ABAT: variants seen among roughly 807,000 people sequenced by gnomAD.
ABAT encodes the protein 4-aminobutyrate aminotransferase, mitochondrial.
ABAT carries 45 observed loss-of-function variants against 64.6 expected under a neutral mutation model. That is an observed-to-expected ratio of 0.70 (90% CI 0.55 to 0.89). ABAT has a LOEUF of 0.89. Among genes scored for constraint, ABAT ranks in the 40% least tolerant of loss-of-function variants. The probability of loss-of-function intolerance (pLI) is 0.00; values close to 1 mark genes in which losing one functional copy is unlikely to be tolerated. For missense variants in ABAT, 633 were observed against 658.4 expected, an observed-to-expected ratio of 0.96 and a Z score of 0.42; for synonymous variants, 297 against 250.5, an observed-to-expected ratio of 1.19 and a Z score of -1.75.
chr16:8,689,848 C>T (rs1427363031), intron 1 of ABAT, among the ~76,000 whole-genome samples: 1 of 152,174 alleles, frequency 6.6e-6, no homozygotes, highest in Admixed American at 6.6e-5. Flanking sequence ...CGTGGCCAAA[C>T]CCAGAGTCAG....
intron 6 of ABAT, 104 bp downstream of exon 6, chr16:8,757,910 C>CATTT (rs1168246078): frequency 7.8e-7 from 1 of 1,287,688 alleles, no homozygotes; most frequent in Non-Finnish European, 1.1e-6. Flanking sequence ...TTCATTCATT[C>CATTT]CATAAATATG....
intron 4 of ABAT, among the ~76,000 whole-genome samples, chr16:8,749,680 G>A (rs745883349): frequency 5.3e-5 from 8 of 152,042 alleles, no homozygotes; most frequent in Middle Eastern, 3.4e-3. Flanking sequence ...ACAGGCGTGA[G>A]CCACTGCACC....
At chr16:8,757,544 G>T (rs1349122744) in intron 5 of ABAT, among the ~76,000 whole-genome samples, 1 of 152,198 alleles carries the variant, frequency 6.6e-6, no homozygotes, top group Admixed American at 6.5e-5. Flanking sequence ...TAGAGAATTT[G>T]TTGGATTTCT....
At chr16:8,682,611 C>A (rs1030066836) in intron 1 of ABAT, among the ~76,000 whole-genome samples, 1 of 98,530 alleles carries the variant, frequency 1.0e-5, no homozygotes. Flanking sequence ...GCCCCCGACC[C>A]CTGCCAACCT....
At chr16:8,701,901 G>T (rs1462922626) in intron 1 of ABAT, among the ~76,000 whole-genome samples, 1 of 151,872 alleles carries the variant, frequency 6.6e-6, no homozygotes, top group Non-Finnish European at 1.5e-5. Context: ...GGAACCACGA[G>T]GGGGCCAGTG....
rs147208350 is a variant in ABAT, at chr16:8,725,303, A to G, written c.-41-10396A>G. On this transcript the variant is annotated intron_variant, in intron 1 of 15. Transcript: ENST00000268251. ...AGAACATCCACAATGCTGTGCAGCC[A>G]CCACCGCTATCTAATTCCAGATTTT... Among the ~76,000 whole-genome samples, 674 of 152,300 alleles carry G rather than the reference A, an allele frequency of 4.4e-3. 6 individuals carry two copies. The highest frequency in any genetic ancestry group is 0.015 in the African/African-American group (626 of 41,568).
At chr16:8,732,353 G>A (rs1451119061) in intron 1 of ABAT, among the ~76,000 whole-genome samples, 1 of 150,698 alleles carries the variant, frequency 6.6e-6, no homozygotes, top group Non-Finnish European at 1.5e-5. Context: ...GTTTTCCTAG[G>A]CAGAGGACCC....
chr16:8,734,554 G>C (rs1596439238), intron 1 of ABAT, among the ~76,000 whole-genome samples: 1 of 152,218 alleles, frequency 6.6e-6, no homozygotes, highest in East Asian at 1.9e-4. Context: ...AAAAGACCAT[G>C]GAGCATGGTT....
chr16:8,676,184 G>T (rs1159550811), intron 1 of ABAT, among the ~76,000 whole-genome samples: 1 of 152,142 alleles, frequency 6.6e-6, no homozygotes, highest in Admixed American at 6.5e-5. Context: ...GGCCCAAAGA[G>T]GTTAGCCACG....
chr16:8,757,308 C>T (rs896265165), intron 5 of ABAT: 5 of 379,448 alleles, frequency 1.3e-5, no homozygotes, highest in Non-Finnish European at 2.5e-5. Flanking sequence ...CCTGGGATTA[C>T]AGGCACGTGC....
intron 1 of ABAT, among the ~76,000 whole-genome samples, chr16:8,678,887 TTAAATGTAAA>T (rs1460277629): frequency 6.6e-6 from 1 of 152,156 alleles, no homozygotes; most frequent in Non-Finnish European, 1.5e-5. Flanking sequence ...CTATTTTTTT[TTAAATGTAAA>T]TATGCATGAA....
At chr16:8,736,702 A>G (rs1232026730) in intron 2 of ABAT, 2 of 152,224 alleles carry the variant, frequency 1.3e-5, no homozygotes, top group East Asian at 1.9e-4. Context: ...CTCCCTCCCA[A>G]TAGTCCCATG....
At chr16:8,725,195 C>T (rs761786628) in intron 1 of ABAT, among the ~76,000 whole-genome samples, 7 of 152,198 alleles carry the variant, frequency 4.6e-5, no homozygotes, top group Non-Finnish European at 8.8e-5. Flanking sequence ...CGATTATAGG[C>T]GTGAGCCAGC....
intron 1 of ABAT, among the ~76,000 whole-genome samples, chr16:8,719,425 T>C (rs540033879): frequency 1.3e-5 from 2 of 152,314 alleles, no homozygotes; most frequent in East Asian, 3.9e-4. Context: ...TTCGGAGGCT[T>C]GGATGTGAAG....
chr16:8,688,705 A>G (rs113433632), intron 1 of ABAT, among the ~76,000 whole-genome samples: 2,379 of 152,204 alleles, frequency 0.016, 60 homozygotes, highest in African/African-American at 0.054. Context: ...CTCCCATCTC[A>G]GCCTCCTGAA....
At chr16:8,769,839 A>C (rs2060052783) in intron 11 of ABAT, among the ~76,000 whole-genome samples, 1 of 152,202 alleles carries the variant, frequency 6.6e-6, no homozygotes, top group African/African-American at 2.4e-5. Context: ...AGCTGGAAAA[A>C]AATATCACTG....
chr16:8,696,518 T>C (rs1273372), intron 1 of ABAT, among the ~76,000 whole-genome samples: 1 of 151,496 alleles, frequency 6.6e-6, no homozygotes, highest in African/African-American at 2.4e-5. Flanking sequence ...TACTCAGGAG[T>C]CTGAGACAGG....
At chr16:8,779,382 C>T (rs948621594) in intron 14 of ABAT, 97 bp from the exon 15 acceptor site, 1 of 1,030,494 alleles carries the variant, frequency 9.7e-7, no homozygotes, top group South Asian at 1.3e-5. Flanking sequence ...GAGGCCGAGG[C>T]TGGACCATGG....
At chr16:8,719,061 C>T (rs1014581077) in intron 1 of ABAT, among the ~76,000 whole-genome samples, 2 of 152,156 alleles carry the variant, frequency 1.3e-5, no homozygotes, top group African/African-American at 4.8e-5. Flanking sequence ...TGCGTTTCCT[C>T]CAATCACACC....
Sources: allele counts gnomAD v4.1 joint callset (sites outside exome capture counted in the v4.1 genomes callset), GRCh38; gene constraint gnomAD v4.1.1; transcripts MANE v1.5; gene names NCBI Gene and HGNC (gene_info 2026-07-23, HGNC 2026-07-21).